ZNF343: variants seen among roughly 807,000 people sequenced by gnomAD.
ZNF343 encodes the protein zinc finger protein 343.
Under a neutral mutation model 13.8 loss-of-function variants are expected in ZNF343, and 11 were observed. The ratio of observed to expected loss-of-function variants is 0.80; its 90% CI spans 0.50 to 1.32. ZNF343 has a LOEUF of 1.32. Among genes scored for constraint, ZNF343 ranks in the 40% most tolerant of loss-of-function variants. ZNF343 has a pLI of 0.00. For missense variants in ZNF343, 658 were observed against 714.2 expected (o/e 0.92, Z 0.90); for synonymous variants, 248 against 260.0 (o/e 0.95, Z 0.44).
chr20:2,486,261 C>T (rs930656774), intron 5 of ZNF343, among the ~76,000 whole-genome samples: 1 of 152,070 alleles, frequency 6.6e-6, no homozygotes, highest in African/African-American at 2.4e-5. Flanking sequence ...TTAAAGGGAC[C>T]CCATGTATAC....
In ZNF343 at chr20:2,482,968, G is replaced by A. The variant is rs188648258; in HGVS notation, c.*193C>T. ...GGCTGACTGATGGCTACAGTTGCCCGTACTCTATACTCATAAGGCTCCTCT... is the reference window on the plus strand; with the variant it reads ...GGCTGACTGATGGCTACAGTTGCCCATACTCTATACTCATAAGGCTCCTCT... On this transcript the variant is annotated 3_prime_UTR_variant, in exon 6 of 6. Coordinates refer to ENST00000278772, the MANE Select transcript of ZNF343 (RefSeq NM_024325.6). 1.2e-3 allele frequency: 761 copies of A among 648,410 alleles called. 2 individuals are homozygous for A. Among genetic ancestry groups the A allele is most frequent in the Non-Finnish European group, 1.8e-3 (708 of 388,004 alleles). 40.2% of individuals were successfully genotyped at this position (648,410 alleles called of 1,614,324 possible).
At chr20:2,499,742 G>A (rs901830435) in intron 2 of ZNF343, among the ~76,000 whole-genome samples, 12 of 152,232 alleles carry the variant, frequency 7.9e-5, no homozygotes, top group Non-Finnish European at 1.3e-4. Flanking sequence ...TCAGAGCTCC[G>A]GCTGGTGACC....
chr20:2,516,939 T>C (rs991102120), intron 1 of ZNF343, among the ~76,000 whole-genome samples: 2 of 152,184 alleles, frequency 1.3e-5, no homozygotes, highest in Admixed American at 6.5e-5. Flanking sequence ...TTAGTGTCAC[T>C]GTCACGGTCA....
At chr20:2,493,228 G>T (rs939016699) in intron 4 of ZNF343, among the ~76,000 whole-genome samples, 5 of 151,958 alleles carry the variant, frequency 3.3e-5, no homozygotes, top group Non-Finnish European at 5.9e-5. Context: ...GTAGGGAGTG[G>T]TAAAGATTTA....
intron 5 of ZNF343, among the ~76,000 whole-genome samples, chr20:2,488,817 G>C (rs949857579): frequency 6.6e-5 from 10 of 152,144 alleles, no homozygotes; most frequent in Non-Finnish European, 8.8e-5. Context: ...CGCCCACGCA[G>C]GTGGATCACT....
upstream of ZNF343, among the ~76,000 whole-genome samples, chr20:2,509,448 A>G (rs1403143073): frequency 1.3e-5 from 2 of 152,176 alleles, no homozygotes; most frequent in Non-Finnish European, 2.9e-5. Flanking sequence ...GGTGGCCTGT[A>G]GTCACCTTTC....
intron 2 of ZNF343, among the ~76,000 whole-genome samples, chr20:2,500,033 T>C (rs1294848307): frequency 6.6e-6 from 1 of 152,052 alleles, no homozygotes; most frequent in African/African-American, 2.4e-5. Flanking sequence ...CTGTTGGAAA[T>C]GCATAGGATA....
chr20:2,524,898 C>A (rs1286668855), upstream of ZNF343, among the ~76,000 whole-genome samples: 4 of 152,316 alleles, frequency 2.6e-5, no homozygotes, highest in Non-Finnish European at 4.4e-5. Flanking sequence ...CCGCTGGCTC[C>A]CGATCTTCCG....
At position 2,492,643 on chromosome 20, in the gene ZNF343, G is replaced by A. The variant is rs6049497; in HGVS notation, c.304+56C>T. 7 of 1,578,680 alleles carry A rather than the reference G, an allele frequency of 4.4e-6. No homozygotes were observed. In the Admixed American group the frequency reaches 1.2e-4, roughly 26 times the overall value. ...GAACATTTTTTTGTGGTACATATTA[G>A]GTGATCAGTAAATCTCTACTGAATT... On this transcript the variant is annotated intron_variant, in intron 5 of 5. Coordinates refer to ENST00000278772, the MANE Select transcript of ZNF343 (RefSeq NM_024325.6).
chr20:2,507,381 A>G (rs2085680555), intron 1 of ZNF343, among the ~76,000 whole-genome samples: 1 of 152,180 alleles, frequency 6.6e-6, no homozygotes, highest in Non-Finnish European at 1.5e-5. Context: ...ATGTGGGGAC[A>G]TCAGAATACA....
At chr20:2,487,176 G>A (rs1375935702) in intron 5 of ZNF343, among the ~76,000 whole-genome samples, 1 of 152,128 alleles carries the variant, frequency 6.6e-6, no homozygotes, top group Admixed American at 6.5e-5. Flanking sequence ...ACACAGTTAG[G>A]TAAATTTGTT....
At chr20:2,504,346 T>C (rs2085619609) in intron 1 of ZNF343, among the ~76,000 whole-genome samples, 1 of 152,134 alleles carries the variant, frequency 6.6e-6, no homozygotes, top group African/African-American at 2.4e-5. Context: ...ACCAGATGGA[T>C]TCACAGCCGA....
chr20:2,498,745 G>A (rs552438293), intron 2 of ZNF343, among the ~76,000 whole-genome samples: 3 of 152,256 alleles, frequency 2.0e-5, no homozygotes, highest in African/African-American at 7.2e-5. Context: ...TCCCTGAGAT[G>A]GGCACTATTA....
rs1198096196 is a variant in ZNF343, at chr20:2,488,719, G to A, written c.304+3980C>T. 2.6e-5 allele frequency among the ~76,000 whole-genome samples: 4 copies of A among 152,008 alleles called. No individual in the cohort carries two copies. In the East Asian group the frequency reaches 7.7e-4, roughly 29 times the overall value. ...ATGTTAACTTTATGAATTACCTTAG[G>A]GATAAGTGACAACCTGATTTTAATC... On this transcript the variant is annotated intron_variant, in intron 5 of 5. Coordinates refer to ENST00000278772, the MANE Select transcript of ZNF343 (RefSeq NM_024325.6).
At chr20:2,513,274 A>G (rs150445794), upstream of ZNF343, among the ~76,000 whole-genome samples, 1 of 152,196 alleles carries the variant, frequency 6.6e-6, no homozygotes, top group Admixed American at 6.5e-5. Flanking sequence ...CAAAAAGACT[A>G]ACAACCCAAT....
chr20:2,501,600 CCT>C (rs2085568026), intron 1 of ZNF343, among the ~76,000 whole-genome samples: 1 of 152,202 alleles, frequency 6.6e-6, no homozygotes, highest in African/African-American at 2.4e-5. Flanking sequence ...GACGGGTACT[CCT>C]CTGAGACAAA....
At position 2,483,003 on chromosome 20, in the gene ZNF343, G is replaced by T; in HGVS notation, c.*158C>A. On this transcript the variant is annotated 3_prime_UTR_variant, in exon 6 of 6. Transcript: ENST00000278772. ...CTCATAAGGCTCCTCTCCTGAACGT[G>T]TCCCTCCCATGCCTGATAAGGGCTG... is the stretch of plus-strand genomic sequence containing the variant. 1.2e-6 allele frequency: 1 copy of T among 858,318 alleles called. No individual in the cohort carries two copies. Among genetic ancestry groups the T allele is most frequent in the Non-Finnish European group, 1.8e-6 (1 of 567,688 alleles). 53.2% of individuals were successfully genotyped at this position (858,318 alleles called of 1,614,324 possible).
rs988308916 is a variant in ZNF343, at chr20:2,518,418, C to A, written c.-347+6037G>T. On this transcript the variant is annotated intron_variant, in intron 1 of 6. Transcript: ENST00000358413. This position sits in a 1 kb window ranked among gnomAD's most constrained non-coding sequence, Gnocchi z 4.6. ...TGCTCTTAAAAGATCCTTCTTATTG[C>A]CAGTTAGAGCAAATTAAGTAGAATC... Among the ~76,000 whole-genome samples, 2 of 152,162 alleles carry A rather than the reference C, an allele frequency of 1.3e-5. No homozygotes were observed. The highest frequency in any genetic ancestry group is 2.4e-5 in the African/African-American group (1 of 41,428).
At chr20:2,500,106 C>G (rs1324416143) in intron 2 of ZNF343, among the ~76,000 whole-genome samples, 1 of 149,206 alleles carries the variant, frequency 6.7e-6, no homozygotes, top group Non-Finnish European at 1.5e-5. Context: ...GCAGCAAAAA[C>G]AAGAAAATGA....
Sources: gnomAD v4.1 joint callset for allele counts (sites outside exome capture counted in the v4.1 genomes callset) on GRCh38, gnomAD v4.1.1 for gene constraint, Gnocchi (gnomAD v3.1) non-coding constraint, MANE v1.5 for transcripts, NCBI Gene and HGNC (gene_info 2026-07-23, HGNC 2026-07-21) for gene names.